ZNF451: variants seen among roughly 807,000 people sequenced by gnomAD.
The protein encoded by ZNF451 is zinc finger protein 451.
Under a neutral mutation model 107.1 loss-of-function variants are expected in ZNF451, and 80 were observed. The observed-to-expected ratio is 0.75, with a 90% CI of 0.62 to 0.90. The LOEUF is 0.90. ZNF451 is among the 40% of genes least tolerant of loss of function. The pLI is 0.00. For missense variants in ZNF451, 1,107 were observed against 1,236.2 expected, an observed-to-expected ratio of 0.90 and a Z score of 1.57; for synonymous variants, 362 against 406.5, an observed-to-expected ratio of 0.89 and a Z score of 1.32.
intron 3 of ZNF451, chr6:57,106,128 A>G: frequency 1.0e-6 from 1 of 985,384 alleles, no homozygotes; most frequent in African/African-American, 1.7e-5. Context: ...ACTGTAAACA[A>G]GGAGGTTGAA....
intron 6 of ZNF451, 152 bp downstream of exon 6, chr6:57,133,344 T>G (rs1831273534): frequency 1.2e-6 from 1 of 825,038 alleles, no homozygotes; most frequent in Non-Finnish European, 1.8e-6. Context: ...ATATAATTTT[T>G]TCATAATTGA....
rs57250829 is a variant in ZNF451, at chr6:57,144,234, C to CTTTT, written c.1004+2159_1004+2162dup. Among the ~76,000 whole-genome samples the CTTTT allele has an allele frequency of 9.4e-3, 1,079 of 114,750 alleles. 8 individuals carry two copies. The highest frequency in any genetic ancestry group is 0.015 in the Non-Finnish European group (876 of 58,010). 75.3% of individuals were successfully genotyped at this position (114,750 alleles called of 152,430 possible). On this transcript the variant is annotated intron_variant, in intron 9 of 14. Coordinates refer to ENST00000370706, the MANE Select transcript of ZNF451 (RefSeq NM_001031623.3). ...TGGTATATGAATTATGAATTATATC[C>CTTTT]TTTTTTTTTTTTTTTTTTTTTTTAA...
intron 14 of ZNF451, among the ~76,000 whole-genome samples, chr6:57,163,305 C>T (rs889223928): frequency 7.2e-5 from 11 of 152,046 alleles, no homozygotes; most frequent in Middle Eastern, 6.3e-3. Flanking sequence ...ATTTAAAATA[C>T]TTCTGTCTAT....
chr6:57,142,042 TGTGGCC>T lies in ZNF451; in HGVS notation c.952_957del (p.Val318_Ala319del). ...AAGATGTTCCCTTTCAAGTTAAGTG[TGTGGCC>T]TGCCACAAGACACTGCGTTCCCACA... is the stretch of plus-strand genomic sequence containing the variant. On this transcript the variant is annotated inframe_deletion, in exon 9 of 15. Transcript: ENST00000370706. 6.2e-7 allele frequency: 1 copy of T among 1,614,100 alleles called. No homozygotes were observed. The highest frequency in any genetic ancestry group is 8.5e-7 in the Non-Finnish European group (1 of 1,179,950).
At chr6:57,162,736 A>G (rs760436522) in intron 14 of ZNF451, among the ~76,000 whole-genome samples, 6 of 152,226 alleles carry the variant, frequency 3.9e-5, no homozygotes, top group Admixed American at 2.0e-4. Context: ...TAACTTTTAA[A>G]TAATTATAAG....
intron 4 of ZNF451, among the ~76,000 whole-genome samples, chr6:57,127,337 T>G (rs1433443110): frequency 6.6e-6 from 1 of 152,184 alleles, no homozygotes; most frequent in Non-Finnish European, 1.5e-5. Flanking sequence ...TTAATTTGAT[T>G]ACAGAGAATT....
rs773409577 is a variant in ZNF451, at chr6:57,124,761, G to A, written c.214G>A (p.Asp72Asn). ...DENIKRKDHI[D>N]YQKDKVALTL... ...GAATATTAAACGTAAAGACCATATT[G>A]ATTATCAGAAGGATAAAGTTGCTTT... Residue 72 changes from aspartate (D) to asparagine (N), a missense_variant, in exon 4 of 15, where the codon GAT becomes AAT. Around this residue, in one of 5 missense-constraint regions of ZNF451, gnomAD observed 339 missense variants for 372.8 expected, o/e 0.91. Transcript: ENST00000370706. 13 of 1,595,538 alleles carry A rather than the reference G, an allele frequency of 8.1e-6. No homozygotes were observed. In the Admixed American group the frequency reaches 1.8e-4, roughly 23 times the overall value.
intron 2 of ZNF451, among the ~76,000 whole-genome samples, chr6:57,091,626 T>G (rs933657951): frequency 6.6e-6 from 1 of 152,176 alleles, no homozygotes; most frequent in African/African-American, 2.4e-5. Flanking sequence ...ATGATGTATT[T>G]TGGGGTGATT....
intron 3 of ZNF451, among the ~76,000 whole-genome samples, chr6:57,122,577 C>G (rs1830692932): frequency 6.6e-6 from 1 of 152,288 alleles, no homozygotes; most frequent in Non-Finnish European, 1.5e-5. Flanking sequence ...CATGAACAGA[C>G]ACTTCTCAAA....
Position 57,142,113 on chromosome 6 carries a change from G to A in ZNF451, c.1004+18G>A. The A allele has an allele frequency of 6.3e-7, 1 of 1,589,874 alleles. No individual in the cohort carries two copies. Among genetic ancestry groups the A allele is most frequent in the Non-Finnish European group, 8.6e-7 (1 of 1,161,754 alleles). On this transcript the variant is annotated intron_variant, in intron 9 of 14. Transcript: ENST00000370706. ...CATTTCAGGTTTGTATTGGTCTGGA[G>A]CTGTAAAGGAATACGGATGAGTGTT...
chr6:57,123,944 T>C (rs1830771061), intron 3 of ZNF451, among the ~76,000 whole-genome samples: 3 of 152,356 alleles, frequency 2.0e-5, no homozygotes, highest in African/African-American at 7.2e-5. Context: ...TCTATGTGGA[T>C]GCAAACAAAG....
At chr6:57,160,300 C>A (rs950147277) in intron 13 of ZNF451, among the ~76,000 whole-genome samples, 12 of 151,978 alleles carry the variant, frequency 7.9e-5, no homozygotes, top group African/African-American at 2.7e-4. Flanking sequence ...CTCCCCTCCC[C>A]TCCCCTGTCT....
At chr6:57,140,926 T>A (rs550774479) in intron 7 of ZNF451, among the ~76,000 whole-genome samples, 2 of 152,318 alleles carry the variant, frequency 1.3e-5, no homozygotes, top group East Asian at 3.9e-4. Context: ...GGAAGAATAA[T>A]AATGCAGGGT....
At chr6:57,116,336 G>T (rs1048652998) in intron 3 of ZNF451, 1 of 152,248 alleles carries the variant, frequency 6.6e-6, no homozygotes, top group Admixed American at 6.5e-5. Flanking sequence ...CGGATCACTC[G>T]AGGTCAGGAG....
chr6:57,124,878 G>A lies in ZNF451; in HGVS notation c.312+19G>A. On this transcript the variant is annotated intron_variant, in intron 4 of 14. Transcript: ENST00000370706. ...ATTCAGAGTATGTGCTATTTTAATT[G>A]GTATTTTATATAATTAAAAAATTAT... 3 of 1,422,926 alleles carry A rather than the reference G, an allele frequency of 2.1e-6. No homozygotes were observed. The highest frequency in any genetic ancestry group is 1.9e-6 in the Non-Finnish European group (2 of 1,077,064). 88.1% of individuals were successfully genotyped at this position (1,422,926 alleles called of 1,614,324 possible). A position where few individuals can be genotyped will look rare whatever the true frequency, so the allele number is the denominator to read the frequency against.
rs1832143803 is a variant in ZNF451 at position 57,147,766 on chromosome 6, TA to T, written c.1682del (p.Tyr561LeufsTer6). On this transcript the variant is annotated frameshift_variant, in exon 10 of 15. Coordinates refer to ENST00000370706, the MANE Select transcript of ZNF451 (RefSeq NM_001031623.3). LOFTEE classifies it high-confidence loss of function. ...TEFHNGHRYF[Y>X]EMDEVEGETL... ...ATTTCATAATGGACACAGATATTTT[TA>T]TGAGATGGATGAGGTAGAAGGTGAA... 1 of 1,613,788 alleles carries T rather than the reference TA, an allele frequency of 6.2e-7. No homozygotes were observed. Among genetic ancestry groups the T allele is most frequent in the South Asian group, 1.1e-5 (1 of 91,090 alleles).
intron 13 of ZNF451, among the ~76,000 whole-genome samples, chr6:57,155,888 C>G (rs1393276753): frequency 6.8e-6 from 1 of 148,064 alleles, no homozygotes; most frequent in Non-Finnish European, 1.5e-5. Context: ...TCTGGAGGCA[C>G]ATGTGTACTT....
At chr6:57,154,772 A>C (rs1398241082) in intron 13 of ZNF451, among the ~76,000 whole-genome samples, 1 of 152,242 alleles carries the variant, frequency 6.6e-6, no homozygotes, top group Non-Finnish European at 1.5e-5. Flanking sequence ...TAAATATCCT[A>C]ATAATTTAAA....
intron 3 of ZNF451, chr6:57,103,620 GTAT>G (rs1829710842): frequency 2.0e-6 from 2 of 985,204 alleles, no homozygotes; most frequent in Non-Finnish European, 2.4e-6. Context: ...ACATCACCTA[GTAT>G]TATTTGCTTG....
Sources: allele counts gnomAD v4.1 joint callset (sites outside exome capture counted in the v4.1 genomes callset), GRCh38; gene constraint gnomAD v4.1.1; regional missense constraint gnomAD v4.1.1; transcripts MANE v1.5; gene names NCBI Gene and HGNC (gene_info 2026-07-23, HGNC 2026-07-21).